The following SLC12A3 variants were observed in gnomAD, a reference collection of about 807,000 sequenced individuals.
SLC12A3 encodes solute carrier family 12 member 3, also known as Na-Cl cotransporter.
SLC12A3 carries 104 observed loss-of-function variants against 121.0 expected under a neutral mutation model. The observed-to-expected ratio is 0.86, with a 90% CI of 0.73 to 1.01. The LOEUF (loss-of-function observed/expected upper bound fraction) is 1.01. Among genes scored for constraint, SLC12A3 ranks in the 50% least tolerant of loss-of-function variants. SLC12A3 has a pLI of 0.00. For synonymous variants in SLC12A3, 536 were observed against 533.4 expected, an observed-to-expected ratio of 1.00 and a Z score of -0.07; for missense variants, 1,328 against 1,356.3, an observed-to-expected ratio of 0.98 and a Z score of 0.33.
chr16:56,878,045 T>TCCCCCCCCCCCCCCCCCCCCCCCCCC, intron 8 of SLC12A3, 32 bp from the exon 9 acceptor site: 1 of 339,198 alleles, frequency 2.9e-6, no homozygotes, highest in South Asian at 2.3e-5. Context: ...TCTCCCTCCC[T>TCCCCCCCCCCCCCCCCCCCCCCCCCC]CCCTCCCTCC....
intron 22 of SLC12A3, among the ~76,000 whole-genome samples, chr16:56,895,045 A>G (rs1351283285): frequency 4.0e-5 from 6 of 151,678 alleles, no homozygotes; most frequent in South Asian, 4.1e-4. Context: ...AAGAAAAACA[A>G]AAAACAAATC....
intron 8 of SLC12A3, among the ~76,000 whole-genome samples, chr16:56,876,981 G>T (rs1567431310): frequency 6.6e-6 from 1 of 152,230 alleles, no homozygotes. Flanking sequence ...TCTGCCCTCA[G>T]TTTCCCCACC....
At chr16:56,880,365 C>G (rs1238771180) in intron 12 of SLC12A3, 112 bp downstream of exon 12, 2 of 1,333,748 alleles carry the variant, frequency 1.5e-6, no homozygotes. Flanking sequence ...CCGGGCCTGA[C>G]AGTTAGTGGG....
At chr16:56,899,914 C>G (rs986016916) in intron 23 of SLC12A3, among the ~76,000 whole-genome samples, 1 of 152,208 alleles carries the variant, frequency 6.6e-6, no homozygotes, top group Non-Finnish European at 1.5e-5. Context: ...CCTCCTTCCA[C>G]GCAAGGGCAA....
intron 1 of SLC12A3, 27 bp from the exon 2 acceptor site, chr16:56,867,043 C>A (rs759973183): frequency 1.9e-6 from 3 of 1,608,534 alleles, no homozygotes; most frequent in Non-Finnish European, 8.5e-7. Context: ...CCCCTACCTG[C>A]CTGACTTGTG....
chr16:56,908,977 T>C (rs981450981), intron 25 of SLC12A3, among the ~76,000 whole-genome samples: 1 of 152,242 alleles, frequency 6.6e-6, no homozygotes, highest in Admixed American at 6.5e-5. Context: ...ATTTTGTCTA[T>C]GCGATTAGCC....
chr16:56,898,641 C>T (rs2055497390), intron 22 of SLC12A3, among the ~76,000 whole-genome samples: 1 of 152,046 alleles, frequency 6.6e-6, no homozygotes, highest in Non-Finnish European at 1.5e-5. Flanking sequence ...AACAATCTTA[C>T]CCCTCTTTCA....
chr16:56,905,338 C>CAAA (rs59206129), intron 25 of SLC12A3, among the ~76,000 whole-genome samples: 1,455 of 49,282 alleles, frequency 0.03, 85 homozygotes, highest in African/African-American at 0.087. Context: ...AACTCCGTCT[C>CAAA]AAAAAAAAAA....
At chr16:56,883,930 C>A in intron 13 of SLC12A3, 119 bp from the exon 14 acceptor site, 2 of 1,126,366 alleles carry the variant, frequency 1.8e-6, no homozygotes, top group South Asian at 1.4e-5. Context: ...CTGGTGGGTA[C>A]AGGCTGGGAC....
At chr16:56,908,492 G>A (rs777913837) in intron 25 of SLC12A3, among the ~76,000 whole-genome samples, 8 of 152,056 alleles carry the variant, frequency 5.3e-5, no homozygotes, top group Middle Eastern at 3.4e-3. Flanking sequence ...TTGAACTGCC[G>A]CTTGCAACAT....
chr16:56,879,936 GCT>G (rs2055215915), intron 11 of SLC12A3, among the ~76,000 whole-genome samples, 192 bp from the exon 12 acceptor site: 1 of 152,244 alleles, frequency 6.6e-6, no homozygotes, highest in Admixed American at 6.5e-5. Context: ...CCCCAGTCAT[GCT>G]CTTTTACTGT....
At chr16:56,904,044 A>G (rs34958206) in intron 24 of SLC12A3, among the ~76,000 whole-genome samples, 20,466 of 152,220 alleles carry the variant, frequency 0.13, 1,549 homozygotes, top group African/African-American at 0.19. Flanking sequence ...AAGATGGTGA[A>G]GGTCAGGGAG....
At chr16:56,888,280 GA>G (rs1230684206) in intron 18 of SLC12A3, among the ~76,000 whole-genome samples, 1 of 152,194 alleles carries the variant, frequency 6.6e-6, no homozygotes, top group Non-Finnish European at 1.5e-5. Flanking sequence ...CCCCATCTTT[GA>G]AAAAGAAGTT....
rs34055681 is a variant in SLC12A3, at chr16:56,865,328, C to T, written c.93C>T (p.Pro31=). The stretch of plus-strand genomic sequence containing the variant: ...GCACACTGCTGAGCAGTGATGAGCC[C>T]TCTCCACCAGCTGCCTATGACAGCA... ...TISTLLSSDE[P]SPPAAYDSSH... is the part of the protein sequence containing the mutation. Residue 31 remains proline, a synonymous_variant, in exon 1 of 26, where the codon CCC becomes CCT. Transcript: ENST00000563236. The T allele has an allele frequency of 2.4e-4, 384 of 1,614,052 alleles. 2 individuals carry two copies. The African/African-American group carries it at 3.8e-3, about 16-fold the overall frequency.
At chr16:56,902,867 C>A (rs992318437) in intron 24 of SLC12A3, among the ~76,000 whole-genome samples, 2 of 152,074 alleles carry the variant, frequency 1.3e-5, no homozygotes, top group African/African-American at 4.8e-5. Flanking sequence ...CCTGTTAGGC[C>A]GGGCATGGTG....
Position 56,880,141 on chromosome 16 carries a change from G to C in SLC12A3, c.1455G>C (p.Glu485Asp). 1 of 1,606,770 alleles carries C rather than the reference G, an allele frequency of 6.2e-7. No homozygotes were observed. The highest frequency in any genetic ancestry group is 8.5e-7 in the Non-Finnish European group (1 of 1,177,678). The change falls in exon 12 of 26, where the codon GAG (glutamate) becomes GAC (aspartate). Residue 485 changes from glutamate (E) to aspartate (D), a missense_variant. Coordinates refer to ENST00000563236, the MANE Select transcript of SLC12A3 (RefSeq NM_001126108.2). ...ATCTGGTGCTGCAGTGCCTTTGCGA[G>C]GACCAGCTGTACCCACTGATCGGCT... Reference protein sequence around the residue: ...SAAKVFQCLCEDQLYPLIGFF... With the variant: ...SAAKVFQCLCDDQLYPLIGFF...
Position 56,870,092 on chromosome 16 carries a change from A to G in SLC12A3, c.602-4A>G. 6.2e-7 allele frequency: 1 copy of G among 1,612,726 alleles called. No individual in the cohort carries two copies. The highest frequency in any genetic ancestry group is 8.5e-7 in the Non-Finnish European group (1 of 1,180,016). Reference sequence around the variant, plus strand: ...TTTCATGGTTCCCGGCTCTGCCCTGATAGGTGGCACCTACTTCCTCATCTC... The same window carrying G: ...TTTCATGGTTCCCGGCTCTGCCCTGGTAGGTGGCACCTACTTCCTCATCTC... On this transcript the variant is annotated splice_polypyrimidine_tract_variant and splice_region_variant and intron_variant, in intron 4 of 25. Coordinates refer to ENST00000563236, the MANE Select transcript of SLC12A3 (RefSeq NM_001126108.2).
intron 22 of SLC12A3, among the ~76,000 whole-genome samples, chr16:56,895,352 CAGAT>C (rs2055448428): frequency 6.6e-6 from 1 of 150,752 alleles, no homozygotes; most frequent in Admixed American, 6.6e-5. Context: ...CTACCATGCC[CAGAT>C]AGTTTTTTTG....
At position 56,867,023 on chromosome 16, in the gene SLC12A3, G is replaced by A. The variant is rs376989665; in HGVS notation, c.283-47G>A. 143 of 1,602,948 alleles carry A rather than the reference G, an allele frequency of 8.9e-5. No homozygotes were observed. The African/African-American group carries it at 1.1e-3, about 12-fold the overall frequency. On this transcript the variant is annotated intron_variant, in intron 1 of 25. Transcript: ENST00000563236. The stretch of plus-strand genomic sequence containing the variant: ...TCAGTGGGCTGGATGCAGAGACGCC[G>A]TCCCTAGCACCCCTACCTGCCTGAC...
Sources: gnomAD v4.1 joint callset for allele counts (sites outside exome capture counted in the v4.1 genomes callset) on GRCh38, gnomAD v4.1.1 for gene constraint, MANE v1.5 for transcripts, NCBI Gene and HGNC (gene_info 2026-07-23, HGNC 2026-07-21) for gene names.